Variants in ARMH4 observed in about 807,000 individuals in gnomAD.
ARMH4 encodes armadillo like helical domain containing 4.
Under a neutral mutation model 61.9 loss-of-function variants are expected in ARMH4, and 49 were observed. The observed-to-expected ratio is 0.79, with a 90% CI of 0.63 to 1.00. ARMH4 has a LOEUF of 1.00. Among genes scored for constraint, ARMH4 ranks in the 50% least tolerant of loss-of-function variants. The pLI is 0.00. For missense variants in ARMH4, 934 were observed against 930.0 expected, an observed-to-expected ratio of 1.00 and a Z score of -0.06; for synonymous variants, 368 against 341.5, an observed-to-expected ratio of 1.08 and a Z score of -0.85.
At chr14:58,110,790 C>T (rs1235130752) in intron 4 of ARMH4, among the ~76,000 whole-genome samples, 3 of 151,978 alleles carry the variant, frequency 2.0e-5, no homozygotes, top group African/African-American at 4.8e-5. Flanking sequence ...GGTGCCATCT[C>T]GGCTCACTGC....
At chr14:58,120,618 A>G (rs1161752188) in intron 4 of ARMH4, among the ~76,000 whole-genome samples, 1 of 152,226 alleles carries the variant, frequency 6.6e-6, no homozygotes, top group Non-Finnish European at 1.5e-5. Context: ...ACATGTGCCC[A>G]AGGTGGTCAG....
At chr14:58,119,981 A>G (rs1027587395) in intron 4 of ARMH4, among the ~76,000 whole-genome samples, 18 of 109,178 alleles carry the variant, frequency 1.6e-4, no homozygotes, top group Non-Finnish European at 6.1e-5. Flanking sequence ...ATACAGTTGT[A>G]CATCACTTAA....
intron 5 of ARMH4, among the ~76,000 whole-genome samples, chr14:58,042,476 A>G (rs1045458824): frequency 2.0e-5 from 3 of 152,200 alleles, no homozygotes; most frequent in Non-Finnish European, 4.4e-5. Context: ...TTATAGCACT[A>G]AATGCCCACA....
intron 5 of ARMH4, among the ~76,000 whole-genome samples, chr14:58,083,508 G>C (rs140654889): frequency 3.3e-5 from 5 of 152,122 alleles, no homozygotes; most frequent in South Asian, 2.1e-4. Flanking sequence ...GCTTGAACTC[G>C]GGAGGCAGAG....
chr14:58,105,696 A>G (rs1868621795), intron 4 of ARMH4, among the ~76,000 whole-genome samples: 1 of 152,062 alleles, frequency 6.6e-6, no homozygotes, highest in Non-Finnish European at 1.5e-5. Context: ...CAAGAAAAAA[A>G]AAAAAAAAGA....
intron 5 of ARMH4, among the ~76,000 whole-genome samples, chr14:58,072,173 C>A (rs1293200562): frequency 6.6e-6 from 1 of 152,132 alleles, no homozygotes; most frequent in Non-Finnish European, 1.5e-5. Context: ...AAGCCTAAAG[C>A]CTAGCAAGTC....
Position 58,139,060 on chromosome 14 carries a change from T to C in ARMH4, c.299A>G (p.Gln100Arg), listed in dbSNP as rs1274068638. 1.2e-6 allele frequency: 2 copies of C among 1,614,112 alleles called. No homozygotes were observed. The highest frequency in any genetic ancestry group is 3.3e-5 in the Admixed American group (2 of 60,006). Residue 100 changes from glutamine to arginine, a missense_variant, in exon 2 of 8, where the codon CAA (glutamine) becomes CGA (arginine). Gln to Arg is a conservative substitution (Grantham distance 43, BLOSUM62 1). Coordinates refer to ENST00000267485, the MANE Select transcript of ARMH4 (RefSeq NM_001001872.4). Reference sequence around the variant, plus strand: ...GCGTTCTGTTTGCATGAGCCCAGCTTGTCCAGGCTGGGTTTCTTTGTTAAT... The same window carrying C: ...GCGTTCTGTTTGCATGAGCCCAGCTCGTCCAGGCTGGGTTTCTTTGTTAAT... ...FSINKETQPG[Q>R]AGLMQTERPG... is the part of the protein sequence containing the mutation.
rs1331902795 is a variant in ARMH4 at position 58,004,579 on chromosome 14, T to C, written c.*157A>G. ...TTAGTATACAACATGCCATTTCTGC[T>C]CAGTACAAGAAAAATCTACTACCCA... On this transcript the variant is annotated 3_prime_UTR_variant, in exon 8 of 8. Coordinates refer to ENST00000267485, the MANE Select transcript of ARMH4 (RefSeq NM_001001872.4). The C allele has an allele frequency of 1.6e-6, 1 of 622,626 alleles. No individual in the cohort carries two copies. The allele number at this position is 622,626 out of a possible 1,614,324, so 38.6% of individuals were successfully genotyped here.
chr14:58,046,230 C>T (rs1883937465), intron 5 of ARMH4, among the ~76,000 whole-genome samples: 1 of 152,170 alleles, frequency 6.6e-6, no homozygotes, highest in African/African-American at 2.4e-5. Flanking sequence ...TTGATTCCAT[C>T]TAGAGATGGA....
intron 5 of ARMH4, among the ~76,000 whole-genome samples, chr14:58,043,689 T>A (rs1178469636): frequency 6.6e-6 from 1 of 152,212 alleles, no homozygotes; most frequent in Non-Finnish European, 1.5e-5. Context: ...TTGACATGAT[T>A]GTATATCTAG....
intron 2 of ARMH4, among the ~76,000 whole-genome samples, chr14:58,134,439 C>T (rs1887236738): frequency 6.6e-6 from 1 of 152,104 alleles, no homozygotes; most frequent in Admixed American, 6.5e-5. Context: ...AATGTTTTGC[C>T]TTCAACAGAC....
At chr14:58,027,845 A>C (rs1378237816) in intron 5 of ARMH4, among the ~76,000 whole-genome samples, 1 of 152,258 alleles carries the variant, frequency 6.6e-6, no homozygotes, top group Non-Finnish European at 1.5e-5. Context: ...AAATATGTAC[A>C]GCTTCTTATA....
intron 1 of ARMH4, among the ~76,000 whole-genome samples, chr14:58,140,570 G>A (rs889626933): frequency 4.1e-5 from 6 of 147,948 alleles, no homozygotes; most frequent in African/African-American, 1.6e-4. Context: ...AGGAGAATCC[G>A]TCTCAAAAAT....
At chr14:58,091,921 G>A (rs530249562) in intron 5 of ARMH4, among the ~76,000 whole-genome samples, 6 of 152,286 alleles carry the variant, frequency 3.9e-5, no homozygotes, top group African/African-American at 1.4e-4. Flanking sequence ...ATTCCCTGCA[G>A]CAAGATGAAG....
intron 5 of ARMH4, among the ~76,000 whole-genome samples, chr14:58,044,463 T>C (rs1171088406): frequency 6.6e-6 from 1 of 152,156 alleles, no homozygotes; most frequent in Non-Finnish European, 1.5e-5. Flanking sequence ...CAAAAATTAA[T>C]TCAAGATGGA....
intron 5 of ARMH4, among the ~76,000 whole-genome samples, chr14:58,072,470 G>T (rs1298659593): frequency 6.6e-6 from 1 of 152,142 alleles, no homozygotes; most frequent in African/African-American, 2.4e-5. Context: ...TGTCGTCCCA[G>T]CACTTTTGGA....
At chr14:58,024,754 G>A (rs1464697436) in intron 5 of ARMH4, among the ~76,000 whole-genome samples, 1 of 152,122 alleles carries the variant, frequency 6.6e-6, no homozygotes, top group Non-Finnish European at 1.5e-5. Context: ...AGAGGCCACT[G>A]TAGGGCTTTT....
chr14:58,083,230 G>C (rs965305549), intron 5 of ARMH4, among the ~76,000 whole-genome samples: 1 of 152,160 alleles, frequency 6.6e-6, no homozygotes, highest in Non-Finnish European at 1.5e-5. Flanking sequence ...TCATTAGCAA[G>C]CTATTCTTTC....
chr14:58,125,796 G>A (rs919351723), intron 4 of ARMH4, among the ~76,000 whole-genome samples: 5 of 152,174 alleles, frequency 3.3e-5, no homozygotes, highest in African/African-American at 1.2e-4. Flanking sequence ...CAGCACTTGG[G>A]TTTTCCTGTT....
Sources: gnomAD v4.1 joint callset for allele counts (sites outside exome capture counted in the v4.1 genomes callset) on GRCh38, gnomAD v4.1.1 for gene constraint, MANE v1.5 for transcripts, NCBI Gene and HGNC (gene_info 2026-07-23, HGNC 2026-07-21) for gene names.